Variants in MMRN1 observed in about 807,000 individuals in gnomAD.
MMRN1 encodes the protein multimerin-1.
MMRN1 carries 94 observed loss-of-function variants against 100.7 expected under a neutral mutation model. The ratio of observed to expected loss-of-function variants is 0.93; its 90% confidence interval spans 0.79 to 1.11. The LOEUF (loss-of-function observed/expected upper bound fraction) is 1.11, where lower values mean the gene tolerates loss of function less well. Among genes scored for constraint, MMRN1 ranks in the 50% least tolerant of loss-of-function variants. MMRN1 has a pLI of 0.00. For missense variants in MMRN1, 1,606 were observed against 1,439.1 expected (o/e 1.12, Z -1.88); for synonymous variants, 575 against 505.0 (o/e 1.14, Z -1.86).
Position 89,936,296 on chromosome 4 carries a change from G to T in MMRN1, c.2616G>T (p.Thr872=), listed in dbSNP as rs761206619. The T allele has an allele frequency of 1.2e-5, 19 of 1,612,234 alleles. No individual in the cohort carries two copies. Among genetic ancestry groups the T allele is most frequent in the African/African-American group, 2.7e-5 (2 of 74,814 alleles). ...ACATTGAGTCTAAAGTTACCCAGAC[G>T]CTCATACCTTATTATATTTCAGTTA... The part of the protein sequence containing the change: ...LQDIESKVTQ[T]LIPYYISVKK... The change falls in exon 6 of 8, where the codon ACG becomes ACT. Residue 872 remains threonine, a synonymous_variant. Transcript: ENST00000264790.
At chr4:89,922,071 T>C (rs1432365418) in intron 3 of MMRN1, among the ~76,000 whole-genome samples, 1 of 152,122 alleles carries the variant, frequency 6.6e-6, no homozygotes, top group East Asian at 1.9e-4. Context: ...GTTCTCAATA[T>C]TTTATTTTAT....
intron 6 of MMRN1, among the ~76,000 whole-genome samples, chr4:89,946,135 T>C (rs576224399): frequency 6.6e-6 from 1 of 152,288 alleles, no homozygotes; most frequent in South Asian, 2.1e-4. Flanking sequence ...ATAATAGCAC[T>C]GAAACTTAAG....
chr4:89,953,133 T>G lies in MMRN1; in HGVS notation c.3402T>G (p.Thr1134=). 2 of 1,613,852 alleles carry G rather than the reference T, an allele frequency of 1.2e-6. No homozygotes were observed. Among genetic ancestry groups the G allele is most frequent in the Non-Finnish European group, 1.7e-6 (2 of 1,179,868 alleles). Residue 1134 remains threonine (T), a synonymous_variant, in exon 8 of 8, where the codon ACT becomes ACG. Coordinates refer to ENST00000264790, the MANE Select transcript of MMRN1 (RefSeq NM_007351.3). ...ATGGAGCTTCATATACCCCAAGAAC[T>G]GGAAAATTTAGAATTCCGTATCTTG... is the stretch of plus-strand genomic sequence containing the variant. ...VNYGASYTPR[T]GKFRIPYLGV...
intron 6 of MMRN1, among the ~76,000 whole-genome samples, chr4:89,941,346 A>G (rs1722815197): frequency 6.6e-6 from 1 of 152,200 alleles, no homozygotes; most frequent in Admixed American, 6.6e-5. Context: ...GCTAAGGAAA[A>G]AGATACAAGC....
rs1027887497 is a variant in MMRN1, at chr4:89,917,691, G to A, written c.851-5477G>A. On this transcript the variant is annotated intron_variant, in intron 3 of 7. Coordinates refer to ENST00000264790, the MANE Select transcript of MMRN1 (RefSeq NM_007351.3). ...AGCTAAATGATGTCCTTGTCAGAGA[G>A]GTAATTTAATATAGGGAACCCTCTC... Among the ~76,000 whole-genome samples the A allele has an allele frequency of 5.3e-5, 8 of 151,720 alleles. No homozygotes were observed. In the South Asian group the frequency reaches 6.2e-4, roughly 12 times the overall value.
At chr4:89,940,842 C>G (rs886544161) in intron 6 of MMRN1, among the ~76,000 whole-genome samples, 6 of 151,974 alleles carry the variant, frequency 3.9e-5, no homozygotes, top group Non-Finnish European at 8.8e-5. Flanking sequence ...TAATTATTTC[C>G]ATGCATCAAC....
rs1230172418 is a variant in MMRN1, at chr4:89,935,127, G to A, written c.1447G>A (p.Val483Ile). ...TGAGAAGCCTATTAAAGAACTAGAA[G>A]TAAAGCAGACTCATTTAGAAGGTGC... The part of the protein sequence containing the change: ...TCEKPIKELE[V>I]KQTHLEGALE... The change falls in exon 6 of 8, where the codon GTA becomes ATA. Residue 483 changes from valine to isoleucine, a missense_variant. Val to Ile is a conservative substitution (Grantham distance 29, BLOSUM62 3). Transcript: ENST00000264790. 2 of 1,613,544 alleles carry A rather than the reference G, an allele frequency of 1.2e-6. No homozygotes were observed. Among genetic ancestry groups the A allele is most frequent in the Non-Finnish European group, 1.7e-6 (2 of 1,179,714 alleles).
Position 89,894,989 on chromosome 4 carries a change from A to T in MMRN1, c.18A>T (p.Leu6Phe), listed in dbSNP as rs373767813. 5.6e-6 allele frequency: 9 copies of T among 1,611,438 alleles called. No individual in the cohort carries two copies. In the African/African-American group the frequency reaches 6.7e-5, roughly 12 times the overall value. Residue 6 changes from leucine (L) to phenylalanine (F), a missense_variant, in exon 1 of 8, where the codon TTA becomes TTT. Leu to Phe is a conservative substitution (Grantham distance 22). Transcript: ENST00000264790. MKGARLFVLLSSLWSG... is the reference protein window; with the variant it reads MKGARFFVLLSSLWSG... Reference sequence around the variant, plus strand: ...CTACTGAGATGAAGGGGGCAAGATTATTTGTCCTTCTTTCTAGTTTATGGA... The same window carrying T: ...CTACTGAGATGAAGGGGGCAAGATTTTTTGTCCTTCTTTCTAGTTTATGGA...
In MMRN1 at chr4:89,934,511, T is replaced by C. The variant is rs75669623; in HGVS notation, c.1130-299T>C. Among the ~76,000 whole-genome samples, 128 of 152,232 alleles carry C rather than the reference T, an allele frequency of 8.4e-4. 2 individuals are homozygous for C. The East Asian group carries it at 0.024, about 28-fold the overall frequency. On this transcript the variant is annotated intron_variant, in intron 5 of 7. Coordinates refer to ENST00000264790, the MANE Select transcript of MMRN1 (RefSeq NM_007351.3). ...GACCTAGAATTATTGTACACAAGGGTGTATTACTGAAGTCAGTAGTAGTTC... is the reference window on the plus strand; with the variant it reads ...GACCTAGAATTATTGTACACAAGGGCGTATTACTGAAGTCAGTAGTAGTTC...
At chr4:89,886,078 G>A (rs6822759) in intron 1 of MMRN1, among the ~76,000 whole-genome samples, 146,364 of 146,516 alleles carry the variant, frequency 1, 73,106 homozygotes, top group Middle Eastern at 1. Flanking sequence ...TTTAGTAGAC[G>A]TGGGGTTTTG....
intron 5 of MMRN1, among the ~76,000 whole-genome samples, chr4:89,930,798 T>A (rs1327855851): frequency 1.3e-5 from 2 of 152,056 alleles, no homozygotes; most frequent in Non-Finnish European, 2.9e-5. Context: ...TTACTCTATA[T>A]AGCATATAGA....
chr4:89,920,203 T>C (rs1262694005), intron 3 of MMRN1, among the ~76,000 whole-genome samples: 1 of 152,214 alleles, frequency 6.6e-6, no homozygotes, highest in East Asian at 1.9e-4. Flanking sequence ...TGTGGCTTTA[T>C]TATATTTCAA....
intron 3 of MMRN1, among the ~76,000 whole-genome samples, chr4:89,916,341 T>G (rs1721915039): frequency 7.1e-6 from 1 of 141,590 alleles, no homozygotes; most frequent in African/African-American, 2.7e-5. Flanking sequence ...TATTCAGGAG[T>G]ACAGTTTTCT....
intron 1 of MMRN1, among the ~76,000 whole-genome samples, chr4:89,899,459 G>A (rs1054118910): frequency 1.3e-5 from 2 of 152,102 alleles, no homozygotes; most frequent in Admixed American, 6.6e-5. Context: ...GGAACCAACA[G>A]CCCAGTGGCA....
chr4:89,929,830 C>T (rs374895837), intron 5 of MMRN1, among the ~76,000 whole-genome samples: 6 of 152,108 alleles, frequency 3.9e-5, no homozygotes, highest in Admixed American at 6.6e-5. Flanking sequence ...GCTTGCCTAG[C>T]GAAACCACAG....
chr4:89,887,429 T>C (rs2110571870), intron 1 of MMRN1, among the ~76,000 whole-genome samples: 1 of 152,144 alleles, frequency 6.6e-6, no homozygotes, highest in South Asian at 2.1e-4. Flanking sequence ...CAAAATAGGA[T>C]GGTGCTGGCA....
chr4:89,887,176 C>G (rs568751649), intron 1 of MMRN1, among the ~76,000 whole-genome samples: 2 of 152,108 alleles, frequency 1.3e-5, no homozygotes, highest in South Asian at 4.1e-4. Context: ...GGGAAGATAT[C>G]TCATGTTCAT....
At chr4:89,905,203 A>G (rs1721527644) in intron 1 of MMRN1, among the ~76,000 whole-genome samples, 1 of 151,608 alleles carries the variant, frequency 6.6e-6, no homozygotes, top group South Asian at 2.1e-4. Flanking sequence ...AGTTTAGTGT[A>G]AAATGATGTA....
chr4:89,944,010 T>C (rs541825424), intron 6 of MMRN1, among the ~76,000 whole-genome samples: 2 of 152,048 alleles, frequency 1.3e-5, no homozygotes, highest in East Asian at 1.9e-4. Context: ...GTGAAAGATA[T>C]ACCTATAGAG....
Sources: gnomAD v4.1 joint callset for allele counts (sites outside exome capture counted in the v4.1 genomes callset) on GRCh38, gnomAD v4.1.1 for gene constraint, MANE v1.5 for transcripts, NCBI Gene and HGNC (gene_info 2026-07-23, HGNC 2026-07-21) for gene names.